The following VPS41 variants were observed in gnomAD, a reference collection of about 807,000 sequenced individuals.
VPS41 encodes VPS41 subunit of HOPS complex, also known as vacuolar protein sorting-associated protein 41 homolog.
VPS41 carries 85 observed loss-of-function variants against 130.9 expected under a neutral mutation model. That is an observed-to-expected ratio of 0.65 (90% CI 0.55 to 0.78). The LOEUF (loss-of-function observed/expected upper bound fraction) is 0.78, where lower values mean the gene tolerates loss of function less well. Ranked by LOEUF, VPS41 falls within the 30% of genes least tolerant of loss-of-function variation. The probability of loss-of-function intolerance (pLI) is 0.00; values close to 1 mark genes in which losing one functional copy is unlikely to be tolerated. For missense variants in VPS41, 874 were observed against 1,018.7 expected, an observed-to-expected ratio of 0.86 and a Z score of 1.93; for synonymous variants, 335 against 332.9, an observed-to-expected ratio of 1.01 and a Z score of -0.07.
At chr7:38,821,121 G>C in intron 6 of VPS41, 82 bp downstream of exon 6, 1 of 995,008 alleles carries the variant, frequency 1.0e-6, no homozygotes, top group Non-Finnish European at 1.6e-6. Context: ...TAATACAGAA[G>C]TGGTAATGTT....
intron 10 of VPS41, among the ~76,000 whole-genome samples, chr7:38,784,663 G>T (rs1784407581): frequency 6.6e-6 from 1 of 151,406 alleles, no homozygotes; most frequent in East Asian, 1.9e-4. Context: ...TTAGGGGGAA[G>T]GAGGAGGGGA....
chr7:38,745,443 G>A, intron 23 of VPS41, 116 bp downstream of exon 23: 1 of 771,306 alleles, frequency 1.3e-6, no homozygotes, highest in Non-Finnish European at 2.2e-6. Flanking sequence ...TGTAAAAATA[G>A]GCTCATATTC....
chr7:38,791,682 TG>T (rs1320093655), intron 9 of VPS41, among the ~76,000 whole-genome samples: 1 of 151,940 alleles, frequency 6.6e-6, no homozygotes, highest in Non-Finnish European at 1.5e-5. Flanking sequence ...ATGAAGGGCA[TG>T]GGGGAAGAAG....
chr7:38,884,890 T>G (rs1329948930), intron 2 of VPS41, among the ~76,000 whole-genome samples: 1 of 152,208 alleles, frequency 6.6e-6, no homozygotes, highest in Non-Finnish European at 1.5e-5. Context: ...CTCTTTAGCC[T>G]GTTTTTTCCC....
At chr7:38,769,958 C>A (rs950396658) in intron 14 of VPS41, among the ~76,000 whole-genome samples, 1 of 152,146 alleles carries the variant, frequency 6.6e-6, no homozygotes, top group Non-Finnish European at 1.5e-5. Context: ...AGGATCTGAC[C>A]TTTGCTACCT....
chr7:38,769,641 GA>G (rs1243849329), intron 14 of VPS41, among the ~76,000 whole-genome samples: 1 of 152,176 alleles, frequency 6.6e-6, no homozygotes, highest in Non-Finnish European at 1.5e-5. Flanking sequence ...CAAAGCCTGG[GA>G]GTCAGCCTAG....
At chr7:38,851,865 G>A (rs1785863121) in intron 4 of VPS41, among the ~76,000 whole-genome samples, 1 of 151,992 alleles carries the variant, frequency 6.6e-6, no homozygotes, top group Non-Finnish European at 1.5e-5. Context: ...ATATTTAGTG[G>A]TATGCATTAT....
intron 4 of VPS41, among the ~76,000 whole-genome samples, chr7:38,847,431 A>AT (rs1416332480): frequency 1.3e-5 from 2 of 152,038 alleles, no homozygotes; most frequent in African/African-American, 2.4e-5. Flanking sequence ...AGTGTAATGA[A>AT]TTTTTTTTCT....
At chr7:38,902,806 C>T (rs532319311) in intron 1 of VPS41, among the ~76,000 whole-genome samples, 1 of 152,244 alleles carries the variant, frequency 6.6e-6, no homozygotes, top group Admixed American at 6.5e-5. Context: ...GCCAGGCACT[C>T]AGCCTGAGGA....
At chr7:38,749,383 T>C (rs1439411846) in intron 22 of VPS41, among the ~76,000 whole-genome samples, 2 of 152,200 alleles carry the variant, frequency 1.3e-5, no homozygotes, top group African/African-American at 2.4e-5. Flanking sequence ...TAGAAAGATA[T>C]AGTGTCTTCC....
At chr7:38,729,603 T>A (rs1394403643) in intron 25 of VPS41, among the ~76,000 whole-genome samples, 1 of 152,168 alleles carries the variant, frequency 6.6e-6, no homozygotes, top group Non-Finnish European at 1.5e-5. Context: ...TTTTACTATT[T>A]CCTCCCTTCC....
chr7:38,862,185 T>C lies in VPS41; in HGVS notation c.246+360A>G, dbSNP rs77937156. Among the ~76,000 whole-genome samples, 337 of 152,240 alleles carry C rather than the reference T, an allele frequency of 2.2e-3. 2 individuals are homozygous for C. The highest frequency in any genetic ancestry group is 6.8e-3 in the Middle Eastern group (2 of 294). The stretch of plus-strand genomic sequence containing the variant: ...CAACAATTCACCTAGACATTCTACA[T>C]TGTCACAATTTTAAAAGAATACAGG... On this transcript the variant is annotated intron_variant, in intron 4 of 28. Transcript: ENST00000310301.
At position 38,745,869 on chromosome 7, in the gene VPS41, A is replaced by G. The variant is rs80062291; in HGVS notation, c.1927-256T>C. 451 of 394,778 alleles carry G rather than the reference A, an allele frequency of 1.1e-3. 4 individuals are homozygous for G. In the East Asian group the frequency reaches 0.019, roughly 17 times the overall value. The allele number at this position is 394,778 out of a possible 1,614,324, so 24.5% of individuals were successfully genotyped here. On this transcript the variant is annotated intron_variant, in intron 22 of 28. Coordinates refer to ENST00000310301, the MANE Select transcript of VPS41 (RefSeq NM_014396.4). ...ATTTCATGAGCAAGAGTAGAAAACA[A>G]GACACCAAATGAAAAGAAAGGGCCT... is the stretch of plus-strand genomic sequence containing the variant.
At chr7:38,818,671 C>A (rs1243495067) in intron 6 of VPS41, among the ~76,000 whole-genome samples, 1 of 152,196 alleles carries the variant, frequency 6.6e-6, no homozygotes, top group Non-Finnish European at 1.5e-5. Context: ...TGGCTGTAAG[C>A]TTGCATAGAC....
At chr7:38,771,795 A>G (rs1312226577) in intron 13 of VPS41, among the ~76,000 whole-genome samples, 1 of 152,208 alleles carries the variant, frequency 6.6e-6, no homozygotes, top group Non-Finnish European at 1.5e-5. Context: ...AAAACATACA[A>G]TTATTTCTTT....
At chr7:38,778,618 T>A (rs1001156064) in intron 10 of VPS41, among the ~76,000 whole-genome samples, 1 of 152,212 alleles carries the variant, frequency 6.6e-6, no homozygotes, top group Non-Finnish European at 1.5e-5. Context: ...TCACATTCCA[T>A]TTTTGAAATG....
chr7:38,815,691 C>A lies in VPS41; in HGVS notation c.450+2126G>T, dbSNP rs1031268282. ...GCACAATCTAATCTAATCAGCTAAT[C>A]TGGCCAGGATGGCCAGAATAAAAGC... On this transcript the variant is annotated intron_variant, in intron 7 of 28. Coordinates refer to ENST00000310301, the MANE Select transcript of VPS41 (RefSeq NM_014396.4). Among the ~76,000 whole-genome samples the A allele has an allele frequency of 4.6e-5, 7 of 152,264 alleles. No individual in the cohort carries two copies. In the East Asian group the frequency reaches 9.7e-4, roughly 21 times the overall value.
chr7:38,817,676 A>C, intron 7 of VPS41, 141 bp downstream of exon 7: 1 of 766,838 alleles, frequency 1.3e-6, no homozygotes, highest in East Asian at 2.5e-5. Flanking sequence ...AGAGATGATG[A>C]TCATCAGATT....
intron 22 of VPS41, among the ~76,000 whole-genome samples, chr7:38,748,433 T>C (rs1050784726): frequency 3.9e-5 from 6 of 152,084 alleles, no homozygotes; most frequent in Non-Finnish European, 7.4e-5. Flanking sequence ...CTATCCTTGA[T>C]CTCGTCATCT....
Sources: allele counts gnomAD v4.1 joint callset (sites outside exome capture counted in the v4.1 genomes callset), GRCh38; gene constraint gnomAD v4.1.1; transcripts MANE v1.5; gene names NCBI Gene and HGNC (gene_info 2026-07-23, HGNC 2026-07-21).